Variants in TTK observed in about 807,000 individuals in gnomAD.
TTK encodes the protein TTK protein kinase, also known as dual specificity protein kinase TTK.
TTK carries 59 observed loss-of-function variants against 117.3 expected under a neutral mutation model. That is an observed-to-expected ratio of 0.50 (90% confidence interval 0.41 to 0.62). The LOEUF (loss-of-function observed/expected upper bound fraction) is 0.62, where lower values mean the gene tolerates loss of function less well. TTK is among the 20% of genes least tolerant of loss of function. The pLI, the probability that TTK is intolerant of heterozygous loss-of-function variation, is 0.00. For synonymous variants in TTK, 302 were observed against 325.0 expected (o/e 0.93, Z 0.76); for missense variants, 921 against 989.4 (o/e 0.93, Z 0.93).
chr6:80,038,827 G>A (rs926682313), intron 18 of TTK, among the ~76,000 whole-genome samples: 18 of 151,930 alleles, frequency 1.2e-4, no homozygotes, highest in Non-Finnish European at 2.4e-4. Context: ...CTGTGGTTTT[G>A]TTCTTCTTAA....
At chr6:80,036,624 A>G in intron 17 of TTK, 25 bp downstream of exon 17, 1 of 1,581,888 alleles carries the variant, frequency 6.3e-7, no homozygotes, top group Non-Finnish European at 8.6e-7. Context: ...TGGTTCTCTC[A>G]CAGTAGAGTT....
At chr6:80,009,641 G>A (rs1213781538) in intron 4 of TTK, among the ~76,000 whole-genome samples, 2 of 151,952 alleles carry the variant, frequency 1.3e-5, no homozygotes, top group African/African-American at 2.4e-5. Context: ...TAAAAAAGAC[G>A]AACTTTATCT....
chr6:80,033,056 TA>T (rs58065115), intron 14 of TTK, among the ~76,000 whole-genome samples: 1 of 152,180 alleles, frequency 6.6e-6, no homozygotes, highest in Non-Finnish European at 1.5e-5. Context: ...GCTAATCATC[TA>T]AAAAAAATCA....
intron 10 of TTK, among the ~76,000 whole-genome samples, chr6:80,017,645 A>G (rs762548407): frequency 5.9e-5 from 9 of 152,168 alleles, no homozygotes; most frequent in Admixed American, 3.3e-4. Flanking sequence ...ACTTTGTTGA[A>G]AATTCACGAC....
chr6:80,023,058 T>C (rs1767506166), intron 11 of TTK, among the ~76,000 whole-genome samples: 1 of 152,190 alleles, frequency 6.6e-6, no homozygotes, highest in East Asian at 1.9e-4. Flanking sequence ...AATGATCAAG[T>C]AGGATACTAA....
At position 80,042,213 on chromosome 6, in the gene TTK, T is replaced by C; in HGVS notation, c.*11T>C. The C allele has an allele frequency of 1.3e-6, 2 of 1,580,654 alleles. No individual in the cohort carries two copies. The highest frequency in any genetic ancestry group is 1.7e-5 in the Admixed American group (1 of 58,528). ...AGGGGAAAAAAATGATTTGCAGTTA[T>C]TCGTAATGTCAGATACCACCTATAA... On this transcript the variant is annotated 3_prime_UTR_variant, in exon 22 of 22. Coordinates refer to ENST00000369798, the MANE Select transcript of TTK (RefSeq NM_003318.5).
intron 9 of TTK, among the ~76,000 whole-genome samples, chr6:80,013,889 TTGA>T (rs1767234729): frequency 6.6e-6 from 1 of 152,094 alleles, no homozygotes; most frequent in Admixed American, 6.6e-5. Flanking sequence ...ATTATTATAA[TTGA>T]GTTAAACCCC....
chr6:80,006,639 A>G lies in TTK; in HGVS notation c.139+657A>G, dbSNP rs552470495. 3.9e-5 allele frequency among the ~76,000 whole-genome samples: 6 copies of G among 152,268 alleles called. No homozygotes were observed. The East Asian group carries it at 1.2e-3, about 29-fold the overall frequency. ...GTAATGCATGCTGGGCATCATAGGA[A>G]TACTAGCATGATAAAACACAAATGT... On this transcript the variant is annotated intron_variant, in intron 2 of 21. Transcript: ENST00000369798.
At chr6:80,042,045 C>A in intron 21 of TTK, 74 bp from the exon 22 acceptor site, 2 of 812,188 alleles carry the variant, frequency 2.5e-6, no homozygotes, top group South Asian at 5.1e-5. Context: ...TAGAATACAT[C>A]AAAATACATC....
Position 80,036,595 on chromosome 6 carries a change from C to G in TTK, c.2045C>G (p.Ser682Cys), listed in dbSNP as rs749479683. The G allele has an allele frequency of 1.4e-5, 23 of 1,607,256 alleles. No homozygotes were observed. The highest frequency in any genetic ancestry group is 1.9e-5 in the Non-Finnish European group (22 of 1,177,146). Reference protein sequence around the residue: ...QPDTTSVVKDSQVGTVNYMPP... With the variant: ...QPDTTSVVKDCQVGTVNYMPP... ...GATACAACAAGTGTTGTTAAAGATT[C>G]TCAGGTAAGACTTAATGTTGGTTCT... Residue 682 changes from serine (S) to cysteine (C), a missense_variant, in exon 17 of 22, where the codon TCT becomes TGT. Coordinates refer to ENST00000369798, the MANE Select transcript of TTK (RefSeq NM_003318.5).
At chr6:80,005,397 G>C (rs1327060994) in intron 1 of TTK, among the ~76,000 whole-genome samples, 1 of 152,178 alleles carries the variant, frequency 6.6e-6, no homozygotes, top group Non-Finnish European at 1.5e-5. Context: ...ATTCTGCTTT[G>C]AAAGCACTTG....
intron 2 of TTK, 102 bp from the exon 3 acceptor site, chr6:80,007,707 G>A: frequency 1.1e-6 from 1 of 888,648 alleles, no homozygotes; most frequent in Non-Finnish European, 1.7e-6. Context: ...TATGTACATT[G>A]ATACTGACAG....
chr6:80,013,182 T>C, intron 8 of TTK, 97 bp from the exon 9 acceptor site: 1 of 911,458 alleles, frequency 1.1e-6, no homozygotes, highest in South Asian at 1.6e-5. Context: ...ATAAAAAGTA[T>C]GTATATTATT....
At chr6:80,036,375 A>G in intron 16 of TTK, 100 bp from the exon 17 acceptor site, 8 of 1,364,148 alleles carry the variant, frequency 5.9e-6, no homozygotes, top group Non-Finnish European at 7.9e-6. Context: ...TGGGTTCACT[A>G]ATTGAAGGAA....
At chr6:80,009,655 C>A (rs925533500) in intron 4 of TTK, among the ~76,000 whole-genome samples, 5 of 152,014 alleles carry the variant, frequency 3.3e-5, no homozygotes, top group African/African-American at 1.2e-4. Context: ...TTTATCTATA[C>A]CACTTTATCT....
At chr6:80,031,671 C>A in intron 14 of TTK, 112 bp downstream of exon 14, 1 of 698,546 alleles carries the variant, frequency 1.4e-6, no homozygotes, top group Non-Finnish European at 2.2e-6. Flanking sequence ...GCGATGCTGC[C>A]CTTGAGCCAA....
chr6:80,019,408 T>A (rs1046760491), intron 10 of TTK, among the ~76,000 whole-genome samples: 2 of 152,184 alleles, frequency 1.3e-5, no homozygotes, highest in Non-Finnish European at 2.9e-5. Context: ...TGCTTTCCCA[T>A]AAGATAATTT....
At chr6:80,033,154 GT>G (rs1293609653) in intron 14 of TTK, among the ~76,000 whole-genome samples, 1 of 152,130 alleles carries the variant, frequency 6.6e-6, no homozygotes, top group Non-Finnish European at 1.5e-5. Context: ...AACCACCATT[GT>G]CAAAGGTAGT....
chr6:80,015,401 A>G (rs1407197148), intron 10 of TTK, among the ~76,000 whole-genome samples: 2 of 152,204 alleles, frequency 1.3e-5, no homozygotes, highest in East Asian at 3.8e-4. Flanking sequence ...GATCATTAAT[A>G]GGATGATCAT....
Sources: allele counts gnomAD v4.1 joint callset (sites outside exome capture counted in the v4.1 genomes callset), GRCh38; gene constraint gnomAD v4.1.1; transcripts MANE v1.5; gene names NCBI Gene and HGNC (gene_info 2026-07-23, HGNC 2026-07-21).